Variants in HS3ST2 observed in about 807,000 individuals in gnomAD.
HS3ST2 encodes heparan sulfate-glucosamine 3-sulfotransferase 2, also known as heparan sulfate glucosamine 3-O-sulfotransferase 2.
In HS3ST2, 17 loss-of-function variants were observed where a neutral mutation model predicts 26.3. The ratio of observed to expected loss-of-function variants is 0.65; its 90% CI spans 0.44 to 0.97. The LOEUF (loss-of-function observed/expected upper bound fraction) is 0.97. Ranked by LOEUF, HS3ST2 falls within the 50% of genes least tolerant of loss-of-function variation. HS3ST2 has a pLI of 0.00. For missense variants in HS3ST2, 402 were observed against 501.2 expected (o/e 0.80, Z 1.89); for synonymous variants, 237 against 219.2 (o/e 1.08, Z -0.72).
intron 1 of HS3ST2, among the ~76,000 whole-genome samples, chr16:22,832,171 A>ATTTTTT (rs1289839839): frequency 1.1e-4 from 12 of 112,134 alleles, no homozygotes; most frequent in East Asian, 5.1e-4. Flanking sequence ...TTTTTTTTTA[A>ATTTTTT]TTTTTAGTGG....
intron 1 of HS3ST2, among the ~76,000 whole-genome samples, chr16:22,879,259 T>A (rs115787481): frequency 1.3e-5 from 2 of 152,218 alleles, no homozygotes; most frequent in African/African-American, 4.8e-5. Flanking sequence ...GATTATTTCT[T>A]TGGATTCCAA....
chr16:22,902,191 G>A (rs1050024089), intron 1 of HS3ST2, among the ~76,000 whole-genome samples: 3 of 152,160 alleles, frequency 2.0e-5, no homozygotes, highest in African/African-American at 7.2e-5. Context: ...TCCTTTAGGT[G>A]TCAATATTTG....
At chr16:22,816,110 T>C (rs967252900) in intron 1 of HS3ST2, among the ~76,000 whole-genome samples, 1 of 152,200 alleles carries the variant, frequency 6.6e-6, no homozygotes, top group Non-Finnish European at 1.5e-5. Flanking sequence ...CCTAGCCCTG[T>C]ATGGTGCTGA....
At chr16:22,824,717 A>G (rs1424968520) in intron 1 of HS3ST2, among the ~76,000 whole-genome samples, 1 of 152,230 alleles carries the variant, frequency 6.6e-6, no homozygotes, top group Non-Finnish European at 1.5e-5. Flanking sequence ...GACCCACTGC[A>G]GAAAATGGTC....
At chr16:22,832,151 C>CTTTTTTTTTTTTTTTTTTTT (rs71151684) in intron 1 of HS3ST2, among the ~76,000 whole-genome samples, 3 of 115,474 alleles carry the variant, frequency 2.6e-5, no homozygotes, top group Non-Finnish European at 3.6e-5. Context: ...CCCAGCTGAT[C>CTTTTTTTTTTTTTTTTTTTT]TTTTTTTTTT....
At chr16:22,887,417 A>C (rs577285080) in intron 1 of HS3ST2, among the ~76,000 whole-genome samples, 44 of 152,162 alleles carry the variant, frequency 2.9e-4, no homozygotes, top group Non-Finnish European at 4.9e-4. Flanking sequence ...GAGATGAGGG[A>C]GCTCTCTGAG....
intron 1 of HS3ST2, among the ~76,000 whole-genome samples, chr16:22,886,387 C>G (rs915999154): frequency 1.3e-5 from 2 of 152,090 alleles, no homozygotes; most frequent in Non-Finnish European, 2.9e-5. Flanking sequence ...GCCTGGATGA[C>G]CCATATTTGA....
chr16:22,851,307 G>A (rs1283517716), intron 1 of HS3ST2, among the ~76,000 whole-genome samples: 3 of 152,208 alleles, frequency 2.0e-5, no homozygotes, highest in Non-Finnish European at 4.4e-5. Flanking sequence ...TGCATTTTAT[G>A]TGCATAATGT....
chr16:22,860,406 T>C (rs975055855), intron 1 of HS3ST2, among the ~76,000 whole-genome samples: 4 of 152,142 alleles, frequency 2.6e-5, no homozygotes, highest in Non-Finnish European at 4.4e-5. Context: ...CCATGACACA[T>C]GGGAATTATG....
At chr16:22,872,976 AC>A (rs2141193817) in intron 1 of HS3ST2, among the ~76,000 whole-genome samples, 1 of 152,348 alleles carries the variant, frequency 6.6e-6, no homozygotes, top group Non-Finnish European at 1.5e-5. Flanking sequence ...CTCTCACCAG[AC>A]ATGTGACCAT....
intron 1 of HS3ST2, among the ~76,000 whole-genome samples, chr16:22,852,122 G>A (rs1202007096): frequency 6.6e-6 from 1 of 152,142 alleles, no homozygotes; most frequent in Non-Finnish European, 1.5e-5. Flanking sequence ...TCACAACTAG[G>A]AGAAGGATGT....
intron 1 of HS3ST2, among the ~76,000 whole-genome samples, chr16:22,868,196 A>G (rs1901783178): frequency 6.6e-6 from 1 of 152,108 alleles, no homozygotes; most frequent in South Asian, 2.1e-4. Context: ...TCACAAGGTC[A>G]AGAGATGGAG....
intron 1 of HS3ST2, among the ~76,000 whole-genome samples, chr16:22,885,346 G>A (rs558707560): frequency 5.0e-4 from 76 of 152,058 alleles, no homozygotes; most frequent in Non-Finnish European, 9.1e-4. Flanking sequence ...AAAAAAACAG[G>A]AAGAACAGAA....
intron 1 of HS3ST2, among the ~76,000 whole-genome samples, chr16:22,827,898 C>G (rs2141177122): frequency 6.6e-6 from 1 of 151,650 alleles, no homozygotes; most frequent in East Asian, 2.0e-4. Context: ...TTTTTAGGGA[C>G]AGGGTGTCAC....
rs1292337669 is a variant in HS3ST2, at chr16:22,814,449, G to T, written c.-162G>T. On this transcript the variant is annotated 5_prime_UTR_variant, in exon 1 of 2. Coordinates refer to ENST00000261374, the MANE Select transcript of HS3ST2 (RefSeq NM_006043.2). ...CCCCCGGGACCCCCTGGCACTGTGC[G>T]CACCCTGGTCAGCAGCCCCCGGAGA... 4.7e-6 allele frequency: 3 copies of T among 643,608 alleles called. No individual in the cohort carries two copies. The East Asian group carries it at 9.7e-5, about 21-fold the overall frequency. 39.9% of individuals were successfully genotyped at this position (643,608 alleles called of 1,614,324 possible).
intron 1 of HS3ST2, among the ~76,000 whole-genome samples, chr16:22,882,077 A>T (rs942948920): frequency 5.3e-5 from 8 of 152,238 alleles, no homozygotes; most frequent in African/African-American, 9.6e-5. Flanking sequence ...ATGATACACA[A>T]GGTCAGGTGT....
intron 1 of HS3ST2, among the ~76,000 whole-genome samples, chr16:22,896,148 C>G (rs1000189116): frequency 3.3e-5 from 5 of 152,082 alleles, no homozygotes; most frequent in Admixed American, 6.6e-5. Context: ...ACATTAGAAG[C>G]TACATGTATT....
intron 1 of HS3ST2, among the ~76,000 whole-genome samples, chr16:22,852,434 G>A (rs914324443): frequency 2.6e-5 from 4 of 152,094 alleles, no homozygotes; most frequent in East Asian, 3.9e-4. Flanking sequence ...GTGAAACTTC[G>A]CAATCTCCCT....
intron 1 of HS3ST2, among the ~76,000 whole-genome samples, chr16:22,822,216 C>T (rs1387412960): frequency 6.6e-6 from 1 of 152,004 alleles, no homozygotes; most frequent in Non-Finnish European, 1.5e-5. Context: ...TTTTGAGACT[C>T]ATGCAGTGGC....
Sources: gnomAD v4.1 joint callset for allele counts (sites outside exome capture counted in the v4.1 genomes callset) on GRCh38, gnomAD v4.1.1 for gene constraint, MANE v1.5 for transcripts, NCBI Gene and HGNC (gene_info 2026-07-23, HGNC 2026-07-21) for gene names.